The following NIPBL variants were observed in gnomAD, a reference collection of about 807,000 sequenced individuals.
The protein encoded by NIPBL is NIPBL cohesin loading factor, also known as nipped-B-like protein.
A neutral mutation model predicts 321.8 loss-of-function variants in NIPBL; 19 were observed. That is an observed-to-expected ratio of 0.06 (90% CI 0.04 to 0.09). NIPBL has a LOEUF of 0.09. Ranked by LOEUF, NIPBL falls within the 10% of genes least tolerant of loss-of-function variation. NIPBL has a pLI of 1.00. For synonymous variants in NIPBL, 1,106 were observed against 1,114.1 expected (o/e 0.99, Z 0.14); for missense variants, 2,210 against 3,327.0 (o/e 0.66, Z 8.26).
chr5:37,044,855 C>T (rs886449231), intron 36 of NIPBL, 126 bp downstream of exon 36: 2 of 700,330 alleles, frequency 2.9e-6, no homozygotes, highest in East Asian at 5.4e-5. Flanking sequence ...CACCGTGGTC[C>T]TCTCAGAAAC....
chr5:36,897,747 C>G (rs373128310), intron 1 of NIPBL, among the ~76,000 whole-genome samples: 1 of 151,788 alleles, frequency 6.6e-6, no homozygotes, highest in East Asian at 1.9e-4. Flanking sequence ...GTATTTGTTG[C>G]GGAAATAAAT....
intron 1 of NIPBL, among the ~76,000 whole-genome samples, chr5:36,877,385 G>A (rs923871574): frequency 6.6e-6 from 1 of 152,210 alleles, no homozygotes; most frequent in Admixed American, 6.5e-5. Context: ...CCGGTGGCGG[G>A]GACTGGGCTC....
intron 38 of NIPBL, among the ~76,000 whole-genome samples, chr5:37,047,796 C>A (rs527846507): frequency 1.2e-4 from 19 of 152,114 alleles, no homozygotes; most frequent in Non-Finnish European, 2.1e-4. Context: ...ATAATACTTG[C>A]TATCATCAGA....
In NIPBL at chr5:37,003,464, A is replaced by G. The variant is rs112112541; in HGVS notation, c.3855+117A>G. On this transcript the variant is annotated intron_variant, in intron 16 of 46. Coordinates refer to ENST00000282516, the MANE Select transcript of NIPBL (RefSeq NM_133433.4). The stretch of plus-strand genomic sequence containing the variant: ...TCTCAGTTACCTACAGTCAACTGTG[A>G]TCTGAAAGTAGGTGAATAATTTTTA... 7.8e-6 allele frequency: 5 copies of G among 643,378 alleles called. No homozygotes were observed. The African/African-American group carries it at 9.0e-5, about 12-fold the overall frequency. The allele number at this position is 643,378 out of a possible 1,614,324, so 39.9% of individuals were successfully genotyped here.
At position 37,065,852 on chromosome 5, in the gene NIPBL, G is replaced by A. The variant is rs1350759500; in HGVS notation, c.*960G>A. Reference sequence around the variant, plus strand: ...TATGCTTCAATTTCTTTCTAGTGATGTCATGATGCTGATATTTATTCTTTA... The same window carrying A: ...TATGCTTCAATTTCTTTCTAGTGATATCATGATGCTGATATTTATTCTTTA... On this transcript the variant is annotated 3_prime_UTR_variant, in exon 47 of 47. Coordinates refer to ENST00000282516, the MANE Select transcript of NIPBL (RefSeq NM_133433.4). 1 of 152,550 alleles carries A rather than the reference G, an allele frequency of 6.6e-6. No homozygotes were observed. Among genetic ancestry groups the A allele is most frequent in the Non-Finnish European group, 1.5e-5 (1 of 67,988 alleles). The allele number at this position is 152,550 out of a possible 1,614,324, so 9.4% of individuals were successfully genotyped here. A position where few individuals can be genotyped will look rare whatever the true frequency, so the allele number is the denominator to read the frequency against.
Position 36,985,555 on chromosome 5 carries a change from G to A in NIPBL, c.2375G>A (p.Arg792Gln), listed in dbSNP as rs376912534. 2.1e-5 allele frequency: 34 copies of A among 1,613,772 alleles called. No homozygotes were observed. The highest frequency in any genetic ancestry group is 8.3e-5 in the Admixed American group (5 of 59,914). ...HKQDTKSDSP[R>Q]LKSERAEALK... ...CAAGATACTAAATCTGACTCACCTC[G>A]GTTAAAATCAGAACGAGCTGAAGCC... The change falls in exon 10 of 47, where the codon CGG (arginine) becomes CAG (glutamine). Residue 792 changes from arginine to glutamine, a missense_variant. This residue lies in a region of NIPBL where 588 missense variants were observed against 564.1 expected (regional missense o/e 1.04). Coordinates refer to ENST00000282516, the MANE Select transcript of NIPBL (RefSeq NM_133433.4).
chr5:36,902,367 T>C (rs988758379), intron 1 of NIPBL, among the ~76,000 whole-genome samples: 4 of 152,206 alleles, frequency 2.6e-5, no homozygotes, highest in African/African-American at 9.6e-5. Flanking sequence ...TCCTAGGTTT[T>C]CTTCTAGGGT....
intron 1 of NIPBL, among the ~76,000 whole-genome samples, chr5:36,896,850 T>G (rs1035866406): frequency 1.3e-5 from 2 of 152,170 alleles, no homozygotes; most frequent in Non-Finnish European, 1.5e-5. Context: ...TCTGCCTGCC[T>G]TAGCCTCCCA....
intron 10 of NIPBL, among the ~76,000 whole-genome samples, chr5:36,990,303 A>G (rs373160380): frequency 5.9e-5 from 9 of 152,208 alleles, no homozygotes; most frequent in East Asian, 3.8e-4. Context: ...GCTGATAACT[A>G]TCATCAGCTG....
At chr5:37,060,099 G>C (rs1754511063) in intron 44 of NIPBL, among the ~76,000 whole-genome samples, 1 of 152,186 alleles carries the variant, frequency 6.6e-6, no homozygotes, top group South Asian at 2.1e-4. Context: ...CCATAAGCTT[G>C]TTGCCAAAGG....
At chr5:36,945,486 G>A (rs1178838871) in intron 1 of NIPBL, among the ~76,000 whole-genome samples, 1 of 151,446 alleles carries the variant, frequency 6.6e-6, no homozygotes, top group Admixed American at 6.6e-5. Flanking sequence ...CTGCATAATA[G>A]TACTCAGTAG....
At chr5:37,059,724 T>TA (rs1191273661) in intron 44 of NIPBL, among the ~76,000 whole-genome samples, 1 of 152,186 alleles carries the variant, frequency 6.6e-6, no homozygotes, top group East Asian at 1.9e-4. Flanking sequence ...TTGATTTCCT[T>TA]AAAAAGACTC....
intron 1 of NIPBL, among the ~76,000 whole-genome samples, chr5:36,906,612 A>G (rs1265915112): frequency 2.0e-5 from 3 of 152,220 alleles, no homozygotes; most frequent in South Asian, 2.1e-4. Context: ...AATTTAATCA[A>G]CTGTGTAGAC....
chr5:36,903,491 A>G (rs964832563), intron 1 of NIPBL, among the ~76,000 whole-genome samples: 38 of 152,138 alleles, frequency 2.5e-4, no homozygotes, highest in Non-Finnish European at 1.0e-4. Context: ...GTAATTATCT[A>G]CTTCCTCTAG....
intron 1 of NIPBL, among the ~76,000 whole-genome samples, chr5:36,949,475 T>G (rs1441898278): frequency 2.0e-5 from 3 of 151,874 alleles, no homozygotes; most frequent in African/African-American, 7.2e-5. Flanking sequence ...ACTGTAATAT[T>G]AGCACCTCAG....
rs11464185 is a variant in NIPBL, at chr5:36,971,267, T to TA, written c.771+244dup. On this transcript the variant is annotated intron_variant, in intron 7 of 46. Transcript: ENST00000282516. ...GTTTTTACATTTATAAAGAGTTATT[T>TA]AAAAAAAAAAAAATGTGATAGAGAC... Among the ~76,000 whole-genome samples the TA allele has an allele frequency of 0.37, 53,531 of 146,512 alleles. 9,906 individuals carry two copies. The highest frequency in any genetic ancestry group is 0.48 in the African/African-American group (19,099 of 40,122).
chr5:36,996,668 G>A lies in NIPBL; in HGVS notation c.3304+864G>A, dbSNP rs1304418644. ...TCAGCAACCTTGTTTGACTTAAACGGCATTCAGTGGAAACAGACTATGGGA... is the reference window on the plus strand; with the variant it reads ...TCAGCAACCTTGTTTGACTTAAACGACATTCAGTGGAAACAGACTATGGGA... On this transcript the variant is annotated intron_variant, in intron 11 of 46. Transcript: ENST00000282516. The surrounding 1 kb of genome is among the most constrained non-coding windows in gnomAD (Gnocchi z 5.0). 2.7e-6 allele frequency: 1 copy of A among 365,814 alleles called. No individual in the cohort carries two copies. The highest frequency in any genetic ancestry group is 5.4e-6 in the Non-Finnish European group (1 of 185,082). 22.7% of individuals were successfully genotyped at this position (365,814 alleles called of 1,614,324 possible). A position where few individuals can be genotyped will look rare whatever the true frequency, so the allele number is the denominator to read the frequency against.
At chr5:36,999,096 G>C (rs1477927280) in intron 11 of NIPBL, among the ~76,000 whole-genome samples, 1 of 152,146 alleles carries the variant, frequency 6.6e-6, no homozygotes, top group Non-Finnish European at 1.5e-5. Context: ...AACAGGAGTA[G>C]TTAGGGTAGC....
chr5:37,008,771 A>G, intron 20 of NIPBL, 48 bp downstream of exon 20: 1 of 925,002 alleles, frequency 1.1e-6, no homozygotes, highest in Non-Finnish European at 1.8e-6. Context: ...CCACCATTAT[A>G]TTGAACCGTC....
Sources: allele counts gnomAD v4.1 joint callset (sites outside exome capture counted in the v4.1 genomes callset), GRCh38; gene constraint gnomAD v4.1.1; regional missense constraint gnomAD v4.1.1; non-coding constraint Gnocchi (gnomAD v3.1); transcripts MANE v1.5; gene names NCBI Gene and HGNC (gene_info 2026-07-23, HGNC 2026-07-21).